UGGT1: variants seen among roughly 807,000 people sequenced by gnomAD.
The protein encoded by UGGT1 is UDP-glucose glycoprotein glucosyltransferase 1.
A neutral mutation model predicts 203.9 loss-of-function variants in UGGT1; 107 were observed. The ratio of observed to expected loss-of-function variants is 0.52; its 90% CI spans 0.45 to 0.62. UGGT1 has a LOEUF of 0.62. Among genes scored for constraint, UGGT1 ranks in the 20% least tolerant of loss-of-function variants. The probability of loss-of-function intolerance (pLI) is 0.00; values close to 1 mark genes in which losing one functional copy is unlikely to be tolerated. For synonymous variants in UGGT1, 628 were observed against 653.5 expected (o/e 0.96, Z 0.59); for missense variants, 1,673 against 1,867.2 (o/e 0.90, Z 1.92).
chr2:128,135,110 A>G, intron 15 of UGGT1, 149 bp downstream of exon 15: 1 of 653,580 alleles, frequency 1.5e-6, no homozygotes, highest in South Asian at 2.0e-5. Flanking sequence ...GTATGAAGCC[A>G]GTGTCTTTTG....
chr2:128,145,663 A>T, intron 17 of UGGT1, 140 bp from the exon 18 acceptor site: 1 of 822,756 alleles, frequency 1.2e-6, no homozygotes, highest in Non-Finnish European at 1.8e-6. Context: ...TTTTTTTAAA[A>T]AGAAATATCT....
At chr2:128,161,086 T>A in intron 24 of UGGT1, 52 bp from the exon 25 acceptor site, 1 of 1,599,960 alleles carries the variant, frequency 6.3e-7, no homozygotes, top group South Asian at 1.1e-5. Context: ...ACCAGCTTGC[T>A]GAGTGCAGGC....
intron 26 of UGGT1, among the ~76,000 whole-genome samples, chr2:128,167,766 C>A (rs1478345513): frequency 2.0e-5 from 3 of 152,162 alleles, no homozygotes; most frequent in Admixed American, 1.3e-4. Flanking sequence ...TTCCCATTTC[C>A]ACACAAATAC....
In UGGT1 at chr2:128,097,419, T is replaced by A; in HGVS notation, c.59-10T>A. 1.3e-6 allele frequency: 2 copies of A among 1,583,776 alleles called. No individual in the cohort carries two copies. The highest frequency in any genetic ancestry group is 2.3e-5 in the South Asian group (2 of 85,262). Reference sequence around the variant, plus strand: ...TTGTAGCAAAACTTCTTTTCTTTTTTTCCTTTTAGGAGTTTGCTATAAAAT... The same window carrying A: ...TTGTAGCAAAACTTCTTTTCTTTTTATCCTTTTAGGAGTTTGCTATAAAAT... On this transcript the variant is annotated splice_polypyrimidine_tract_variant and intron_variant, in intron 1 of 40. Coordinates refer to ENST00000259253, the MANE Select transcript of UGGT1 (RefSeq NM_020120.4).
intron 30 of UGGT1, 81 bp from the exon 31 acceptor site, chr2:128,174,692 C>G: frequency 8.5e-7 from 1 of 1,173,514 alleles, no homozygotes; most frequent in Non-Finnish European, 1.2e-6. Flanking sequence ...ATTGATATTT[C>G]AGAAATAGAA....
At chr2:128,163,926 C>T (rs978129342) in intron 25 of UGGT1, among the ~76,000 whole-genome samples, 1 of 152,118 alleles carries the variant, frequency 6.6e-6, no homozygotes, top group African/African-American at 2.4e-5. Context: ...CACCTGTAAT[C>T]CCAGCACTTT....
In UGGT1 at chr2:128,160,526, G is replaced by A. The variant is rs1455120265; in HGVS notation, c.2629G>A (p.Ala877Thr). The A allele has an allele frequency of 6.8e-6, 11 of 1,613,506 alleles. No homozygotes were observed. In the South Asian group the frequency reaches 1.2e-4, roughly 18 times the overall value. The change falls in exon 24 of 41, where the codon GCC becomes ACC. Residue 877 changes from alanine (A) to threonine (T), a missense_variant. By Grantham distance (58) the Ala-to-Thr change is moderately conservative. Around this residue, in one of 4 missense-constraint regions of UGGT1, gnomAD observed 1,073 missense variants for 1,078.7 expected, o/e 0.99. Coordinates refer to ENST00000259253, the MANE Select transcript of UGGT1 (RefSeq NM_020120.4). ...CAAAATGGATTTCATTTTGTCTCAT[G>A]CCGTGTACTGCAGGGATGTTCTGAA... Reference protein sequence around the residue: ...SSKMDFILSHAVYCRDVLKLK... With the variant: ...SSKMDFILSHTVYCRDVLKLK...
chr2:128,178,363 C>A, intron 33 of UGGT1, 105 bp from the exon 34 acceptor site: 2 of 980,658 alleles, frequency 2.0e-6, no homozygotes, highest in South Asian at 1.6e-5. Flanking sequence ...TGCAGCTCAC[C>A]CGCTAGGGAA....
At chr2:128,129,263 A>G in intron 13 of UGGT1, 84 bp downstream of exon 13, 1 of 1,436,760 alleles carries the variant, frequency 7.0e-7, no homozygotes, top group Non-Finnish European at 9.3e-7. Context: ...ATGAGGGTGA[A>G]GTTACTCCCA....
chr2:128,111,120 A>G (rs988473587), intron 5 of UGGT1, among the ~76,000 whole-genome samples: 30 of 152,338 alleles, frequency 2.0e-4, no homozygotes, highest in African/African-American at 7.2e-4. Context: ...TGGCAGGCTG[A>G]GGCAGGAGGA....
intron 11 of UGGT1, among the ~76,000 whole-genome samples, chr2:128,123,562 G>A (rs779424951): frequency 4.6e-5 from 7 of 152,062 alleles, no homozygotes; most frequent in Non-Finnish European, 1.0e-4. Flanking sequence ...GCTTACATTG[G>A]TACTTTATTT....
chr2:128,111,632 A>C (rs1687854641), intron 5 of UGGT1, among the ~76,000 whole-genome samples: 1 of 151,836 alleles, frequency 6.6e-6, no homozygotes, highest in East Asian at 2.0e-4. Context: ...CAGCCTCCCA[A>C]GTACAGGCAC....
At chr2:128,102,207 A>T (rs190482804) in intron 2 of UGGT1, among the ~76,000 whole-genome samples, 1 of 151,520 alleles carries the variant, frequency 6.6e-6, no homozygotes, top group Non-Finnish European at 1.5e-5. Flanking sequence ...CAATGGCACG[A>T]TCTTGGCTCA....
intron 19 of UGGT1, 152 bp downstream of exon 19, chr2:128,153,056 C>T (rs2104711861): frequency 1.8e-6 from 2 of 1,089,558 alleles, no homozygotes; most frequent in Non-Finnish European, 2.6e-6. Flanking sequence ...ACTCTTTGCA[C>T]CTTTAGTTCA....
intron 8 of UGGT1, among the ~76,000 whole-genome samples, chr2:128,116,560 T>C (rs1235952819): frequency 2.6e-5 from 4 of 152,186 alleles, no homozygotes; most frequent in Non-Finnish European, 5.9e-5. Context: ...AGGGTCTCGC[T>C]GTGTCGCCCA....
Position 128,183,698 on chromosome 2 carries a change from A to G in UGGT1, c.4268A>G (p.Lys1423Arg). 1.9e-6 allele frequency: 3 copies of G among 1,614,018 alleles called. No homozygotes were observed. The highest frequency in any genetic ancestry group is 2.5e-6 in the Non-Finnish European group (3 of 1,179,908). The change falls in exon 38 of 41, where the codon AAG becomes AGG. Residue 1423 changes from lysine to arginine, a missense_variant. Lys to Arg is a conservative substitution (Grantham distance 26). This residue lies in a region of UGGT1 where 513 missense variants were observed against 684.1 expected (regional missense o/e 0.75). Coordinates refer to ENST00000259253, the MANE Select transcript of UGGT1 (RefSeq NM_020120.4). Reference sequence around the variant, plus strand: ...AGTGCACTATATGTTGTGGATCTGAAGAAGTTTAGGAAAATAGCTGCTGGT... The same window carrying G: ...AGTGCACTATATGTTGTGGATCTGAGGAAGTTTAGGAAAATAGCTGCTGGT... Reference protein sequence around the residue: ...HISALYVVDLKKFRKIAAGDR... With the variant: ...HISALYVVDLRKFRKIAAGDR...
chr2:128,094,557 CAT>C (rs932222753), intron 1 of UGGT1, among the ~76,000 whole-genome samples: 3 of 151,954 alleles, frequency 2.0e-5, no homozygotes, highest in Non-Finnish European at 4.4e-5. Context: ...AGTTAGGTAA[CAT>C]ATATGTGGTT....
At chr2:128,176,407 CAAA>C (rs757833629) in intron 31 of UGGT1, among the ~76,000 whole-genome samples, 11 of 70,192 alleles carry the variant, frequency 1.6e-4, no homozygotes, top group East Asian at 5.1e-4. Context: ...AACTCTGTCT[CAAA>C]AAAAAAAAAA....
At chr2:128,159,809 C>G (rs771793548) in intron 23 of UGGT1, 89 bp downstream of exon 23, 41 of 1,336,876 alleles carry the variant, frequency 3.1e-5, no homozygotes, top group Admixed American at 6.9e-5. Flanking sequence ...TTCATGATCA[C>G]GATTTGTCAT....
Sources: allele counts gnomAD v4.1 joint callset (sites outside exome capture counted in the v4.1 genomes callset), GRCh38; gene constraint gnomAD v4.1.1; regional missense constraint gnomAD v4.1.1; transcripts MANE v1.5; gene names NCBI Gene and HGNC (gene_info 2026-07-23, HGNC 2026-07-21).